Variants in SPAG1 observed in about 807,000 individuals in gnomAD.
The protein encoded by SPAG1 is sperm-associated antigen 1.
Under a neutral mutation model 100.5 loss-of-function variants are expected in SPAG1, and 69 were observed. That is an observed-to-expected ratio of 0.69 (90% confidence interval 0.57 to 0.84). The LOEUF (loss-of-function observed/expected upper bound fraction) is 0.84, where lower values mean the gene tolerates loss of function less well. Ranked by LOEUF, SPAG1 falls within the 40% of genes least tolerant of loss-of-function variation. The pLI is 0.00. For synonymous variants in SPAG1, 336 were observed against 411.6 expected, an observed-to-expected ratio of 0.82 and a Z score of 2.22; for missense variants, 955 against 1,133.1, an observed-to-expected ratio of 0.84 and a Z score of 2.26.
At chr8:100,196,102 A>G (rs1011324107) in intron 10 of SPAG1, among the ~76,000 whole-genome samples, 1 of 152,194 alleles carries the variant, frequency 6.6e-6, no homozygotes, top group African/African-American at 2.4e-5. Context: ...AGTTGTACCA[A>G]AGTTTATACA....
chr8:100,190,669 T>TC (rs1389647044), intron 8 of SPAG1, among the ~76,000 whole-genome samples: 17 of 144,788 alleles, frequency 1.2e-4, no homozygotes, highest in Non-Finnish European at 1.1e-4. Context: ...TTTTCTTTTT[T>TC]TTTTTTTTTT....
At chr8:100,217,476 T>G (rs1449702271) in intron 12 of SPAG1, among the ~76,000 whole-genome samples, 3 of 151,898 alleles carry the variant, frequency 2.0e-5, no homozygotes, top group Non-Finnish European at 4.4e-5. Flanking sequence ...GGGGGGGTGT[T>G]GAAGATCTTG....
chr8:100,177,750 T>C (rs574555572), intron 3 of SPAG1, 66 bp from the exon 4 acceptor site: 15 of 974,276 alleles, frequency 1.5e-5, no homozygotes, highest in Non-Finnish European at 2.1e-5. Flanking sequence ...GGGTCAACTA[T>C]AGTTCTTTCT....
chr8:100,207,590 G>A (rs1465924045), intron 10 of SPAG1, among the ~76,000 whole-genome samples: 1 of 152,204 alleles, frequency 6.6e-6, no homozygotes, highest in African/African-American at 2.4e-5. Context: ...AGGAGAAATG[G>A]CCAGATGTGT....
intron 3 of SPAG1, 24 bp downstream of exon 3, chr8:100,165,997 A>C: frequency 6.3e-7 from 1 of 1,577,270 alleles, no homozygotes; most frequent in Non-Finnish European, 8.7e-7. Context: ...CCAATTTTCC[A>C]TAGATATTGT....
intron 10 of SPAG1, among the ~76,000 whole-genome samples, chr8:100,209,482 G>T (rs1209024564): frequency 6.7e-6 from 1 of 148,838 alleles, no homozygotes; most frequent in African/African-American, 2.4e-5. Flanking sequence ...TATTTTTTCA[G>T]GATCTTTTTG....
At chr8:100,173,003 A>C (rs989379785) in intron 3 of SPAG1, among the ~76,000 whole-genome samples, 1 of 109,916 alleles carries the variant, frequency 9.1e-6, no homozygotes, top group East Asian at 2.5e-4. Context: ...GTTTTTCCCC[A>C]TTGTGTGTCT....
intron 15 of SPAG1, among the ~76,000 whole-genome samples, chr8:100,232,246 G>A (rs1386098766): frequency 6.6e-6 from 1 of 152,074 alleles, no homozygotes; most frequent in Non-Finnish European, 1.5e-5. Context: ...CCTCCTCTTG[G>A]CTGCGGAGGA....
chr8:100,231,028 T>G, intron 14 of SPAG1, 128 bp from the exon 15 acceptor site: 1 of 642,890 alleles, frequency 1.6e-6, no homozygotes, highest in Non-Finnish European at 2.4e-6. Flanking sequence ...TTGTTCTAGT[T>G]AGATTTTCAC....
chr8:100,202,520 C>T (rs1395636455), intron 10 of SPAG1, among the ~76,000 whole-genome samples: 1 of 150,544 alleles, frequency 6.6e-6, no homozygotes. Flanking sequence ...ACCATCCTGG[C>T]TAACACGGTG....
chr8:100,198,037 A>C (rs1586460556), intron 10 of SPAG1, among the ~76,000 whole-genome samples: 1 of 152,182 alleles, frequency 6.6e-6, no homozygotes. Flanking sequence ...ATTACCATAC[A>C]GCTGTAGCTG....
At chr8:100,176,087 A>G (rs954307336) in intron 3 of SPAG1, among the ~76,000 whole-genome samples, 1 of 152,202 alleles carries the variant, frequency 6.6e-6, no homozygotes, top group African/African-American at 2.4e-5. Flanking sequence ...GTCTGCATTA[A>G]AAACCTGCTC....
In SPAG1 at chr8:100,240,710, A is replaced by G. The variant is rs778372058; in HGVS notation, c.2588A>G (p.Glu863Gly). ...LIQSLKNNLIEKDPSLVYQHL... is the reference protein window; with the variant it reads ...LIQSLKNNLIGKDPSLVYQHL... ...CAGTCTCTGAAAAATAATCTTATTGAAAAAGATCCCTCATTGGTGTATCAG... is the reference window on the plus strand; with the variant it reads ...CAGTCTCTGAAAAATAATCTTATTGGAAAAGATCCCTCATTGGTGTATCAG... The change falls in exon 18 of 19, where the codon GAA becomes GGA. Residue 863 changes from glutamate to glycine, a missense_variant. Transcript: ENST00000388798. The G allele has an allele frequency of 6.2e-7, 1 of 1,613,776 alleles. No individual in the cohort carries two copies. The highest frequency in any genetic ancestry group is 8.5e-7 in the Non-Finnish European group (1 of 1,179,852).
intron 10 of SPAG1, 53 bp from the exon 11 acceptor site, chr8:100,213,037 G>GCCTCCGCGA: frequency 7.4e-7 from 1 of 1,353,570 alleles, no homozygotes; most frequent in Admixed American, 3.7e-5. Flanking sequence ...GGCCTCCGCG[G>GCCTCCGCGA]CAACTGCTCC....
rs1461325605 is a variant in SPAG1 at position 100,239,293 on chromosome 8, T to C, written c.2169T>C (p.Ser723=). The stretch of plus-strand genomic sequence containing the variant: ...ATAAAGTTATCCTACTAGATCCAAG[T>C]ATTATTGAGGCAAAGATGGAACTGG... The part of the protein sequence containing the change: ...DLNKVILLDP[S]IIEAKMELEE... Residue 723 remains serine (S), a synonymous_variant, in exon 17 of 19, where the codon AGT becomes AGC. Coordinates refer to ENST00000388798, the MANE Select transcript of SPAG1 (RefSeq NM_003114.5). The surrounding 1 kb of genome is among the most constrained non-coding windows in gnomAD (Gnocchi z 5.0). 3 of 1,550,234 alleles carry C rather than the reference T, an allele frequency of 1.9e-6. No homozygotes were observed. Among genetic ancestry groups the C allele is most frequent in the Non-Finnish European group, 2.6e-6 (3 of 1,150,054 alleles).
Position 100,239,362 on chromosome 8 carries a change from A to G in SPAG1, c.2238A>G (p.Pro746=), listed in dbSNP as rs1229578667. The G allele has an allele frequency of 2.5e-6, 4 of 1,606,592 alleles. No homozygotes were observed. The highest frequency in any genetic ancestry group is 3.4e-6 in the Non-Finnish European group (4 of 1,173,612). Reference sequence around the variant, plus strand: ...TTAATCTTAAGGATAAGACAGCACCATTCAACAAAGAAAAGGAGAGAAGGA... The same window carrying G: ...TTAATCTTAAGGATAAGACAGCACCGTTCAACAAAGAAAAGGAGAGAAGGA... ...RLLNLKDKTA[P]FNKEKERRKI... is the part of the protein sequence containing the mutation. Residue 746 remains proline (P), a synonymous_variant, in exon 17 of 19, where the codon CCA becomes CCG. Coordinates refer to ENST00000388798, the MANE Select transcript of SPAG1 (RefSeq NM_003114.5). The surrounding 1 kb of genome is among the most constrained non-coding windows in gnomAD (Gnocchi z 5.0).
At position 100,183,398 on chromosome 8, in the gene SPAG1, TA is replaced by T; in HGVS notation, c.455del (p.Lys152ArgfsTer20). ...GKEKYSKRPT[K>X]KKTPRDYAEW... Reference sequence around the variant, plus strand: ...AGGAAAAATATTCTAAAAGACCAACTAAAAAGAAAACTCCAAGGGATTACGC... The same window carrying T: ...AGGAAAAATATTCTAAAAGACCAACTAAAAGAAAACTCCAAGGGATTACGC... On this transcript the variant is annotated frameshift_variant, in exon 5 of 19. Transcript: ENST00000388798. LOFTEE classifies it high-confidence loss of function. The T allele has an allele frequency of 6.8e-7, 1 of 1,461,482 alleles. No homozygotes were observed. Among genetic ancestry groups the T allele is most frequent in the Non-Finnish European group, 9.5e-7 (1 of 1,052,010 alleles). The allele number at this position is 1,461,482 out of a possible 1,614,324, so 90.5% of individuals were successfully genotyped here.
chr8:100,201,345 G>C (rs1716186507), intron 10 of SPAG1, among the ~76,000 whole-genome samples: 1 of 151,720 alleles, frequency 6.6e-6, no homozygotes, highest in Non-Finnish European at 1.5e-5. Flanking sequence ...GGGTGGTCTT[G>C]AACCCCTGGG....
At chr8:100,191,229 C>T (rs933720553) in intron 8 of SPAG1, among the ~76,000 whole-genome samples, 161 bp from the exon 9 acceptor site, 1 of 152,100 alleles carries the variant, frequency 6.6e-6, no homozygotes, top group Non-Finnish European at 1.5e-5. Context: ...ACCTCAGTGT[C>T]ATCTCCTATG....
Sources: gnomAD v4.1 joint callset for allele counts (sites outside exome capture counted in the v4.1 genomes callset) on GRCh38, gnomAD v4.1.1 for gene constraint, Gnocchi (gnomAD v3.1) non-coding constraint, MANE v1.5 for transcripts, NCBI Gene and HGNC (gene_info 2026-07-23, HGNC 2026-07-21) for gene names.